NCOA2: variants seen among roughly 807,000 people sequenced by gnomAD.
NCOA2 encodes class E basic helix-loop-helix protein 75.
Under a neutral mutation model 145.1 loss-of-function variants are expected in NCOA2, and 21 were observed. The ratio of observed to expected loss-of-function variants is 0.14; its 90% CI spans 0.10 to 0.21. NCOA2 has a LOEUF of 0.21. Ranked by LOEUF, NCOA2 falls within the 10% of genes least tolerant of loss-of-function variation. The probability of loss-of-function intolerance (pLI) is 1.00; values close to 1 mark genes in which losing one functional copy is unlikely to be tolerated. For synonymous variants in NCOA2, 619 were observed against 637.5 expected, an observed-to-expected ratio of 0.97 and a Z score of 0.44; for missense variants, 1,472 against 1,837.6, an observed-to-expected ratio of 0.80 and a Z score of 3.64.
chr8:70,228,777 A>G (rs1820885710), intron 2 of NCOA2, among the ~76,000 whole-genome samples: 1 of 152,230 alleles, frequency 6.6e-6, no homozygotes, highest in African/African-American at 2.4e-5. Flanking sequence ...AGAAATTGAG[A>G]TAATTGCTTG....
chr8:70,244,468 T>A (rs16936846), intron 2 of NCOA2, among the ~76,000 whole-genome samples: 2,115 of 152,124 alleles, frequency 0.014, 42 homozygotes, highest in African/African-American at 0.047. Flanking sequence ...ATAAGATCAA[T>A]CTGAGAAAGT....
the NCOA2 span, among the ~76,000 whole-genome samples, chr8:70,439,487 C>T: frequency 2.0e-5 from 3 of 152,260 alleles, no homozygotes; most frequent in East Asian, 5.8e-4. Flanking sequence ...GGAAACAGCA[C>T]AAATGAAGAT....
At chr8:70,382,072 G>A (rs547945989) in intron 1 of NCOA2, among the ~76,000 whole-genome samples, 1 of 152,166 alleles carries the variant, frequency 6.6e-6, no homozygotes, top group South Asian at 2.1e-4. Context: ...TGCTGCCACT[G>A]AAGGAGTTTA....
chr8:70,232,507 A>T (rs1821225783), intron 2 of NCOA2, among the ~76,000 whole-genome samples: 1 of 151,968 alleles, frequency 6.6e-6, no homozygotes, highest in Non-Finnish European at 1.5e-5. Context: ...GTTCAATTTG[A>T]TTTTCCTCAA....
chr8:70,453,484 C>T, the NCOA2 span, among the ~76,000 whole-genome samples: 1 of 152,208 alleles, frequency 6.6e-6, no homozygotes, highest in Non-Finnish European at 1.5e-5. Flanking sequence ...AAGATGAACT[C>T]ACACTCCTGT....
At chr8:70,214,496 A>G (rs1819383354) in intron 3 of NCOA2, among the ~76,000 whole-genome samples, 1 of 152,250 alleles carries the variant, frequency 6.6e-6, no homozygotes, top group Non-Finnish European at 1.5e-5. Context: ...AATAACAGGA[A>G]TAAATTTCAA....
At chr8:70,391,165 T>G (rs772199672) in intron 1 of NCOA2, among the ~76,000 whole-genome samples, 78 of 152,288 alleles carry the variant, frequency 5.1e-4, no homozygotes, top group Non-Finnish European at 9.7e-4. Context: ...AATTCAAAGT[T>G]ATGAAGTAGT....
intron 1 of NCOA2, among the ~76,000 whole-genome samples, chr8:70,400,506 T>A (rs940690230): frequency 6.6e-6 from 1 of 152,150 alleles, no homozygotes; most frequent in African/African-American, 2.4e-5. Context: ...CTCTTCAGCA[T>A]ACAAAAGAGA....
chr8:70,403,338 C>G (rs1455814884), intron 1 of NCOA2, among the ~76,000 whole-genome samples: 3 of 151,286 alleles, frequency 2.0e-5, no homozygotes, highest in Non-Finnish European at 3.0e-5. Context: ...GCTCACCTCT[C>G]GCCCGCGCCG....
Position 70,264,055 on chromosome 8 carries a change from A to C in NCOA2, c.-20+32689T>G, listed in dbSNP as rs148646796. On this transcript the variant is annotated intron_variant, in intron 2 of 22. Coordinates refer to ENST00000452400, the MANE Select transcript of NCOA2 (RefSeq NM_006540.4). ...TGGAGAAATCTCTTCTCTACTAAAA[A>C]TACAAAATTAGCCAGACGTGGTGGC... Among the ~76,000 whole-genome samples, 487 of 152,034 alleles carry C rather than the reference A, an allele frequency of 3.2e-3. 1 individual carries two copies. The highest frequency in any genetic ancestry group is 0.011 in the African/African-American group (459 of 41,456).
chr8:70,169,819 C>T (rs1814027250), intron 6 of NCOA2, among the ~76,000 whole-genome samples: 1 of 152,004 alleles, frequency 6.6e-6, no homozygotes, highest in African/African-American at 2.4e-5. Context: ...TAAGTACTTT[C>T]CATCTGAATC....
chr8:70,211,470 A>G (rs897068410), intron 4 of NCOA2, among the ~76,000 whole-genome samples: 5 of 152,102 alleles, frequency 3.3e-5, no homozygotes, highest in African/African-American at 9.7e-5. Flanking sequence ...AAAAAGAAAA[A>G]AAAAGAAAAA....
intron 1 of NCOA2, among the ~76,000 whole-genome samples, chr8:70,327,579 T>C (rs1268931189): frequency 1.3e-5 from 2 of 152,072 alleles, no homozygotes; most frequent in East Asian, 3.9e-4. Context: ...TTAATGTAGT[T>C]AAAAGTCAAC....
At chr8:70,283,987 G>C (rs1462410405) in intron 2 of NCOA2, among the ~76,000 whole-genome samples, 1 of 152,106 alleles carries the variant, frequency 6.6e-6, no homozygotes, top group Non-Finnish European at 1.5e-5. Flanking sequence ...CAATAACAAT[G>C]TTTAGAAGTA....
intron 1 of NCOA2, among the ~76,000 whole-genome samples, chr8:70,384,450 C>T (rs911668796): frequency 1.3e-5 from 2 of 152,002 alleles, no homozygotes; most frequent in African/African-American, 4.8e-5. Context: ...ATTAAATTAA[C>T]CAAATGGTTC....
intron 2 of NCOA2, among the ~76,000 whole-genome samples, chr8:70,235,836 C>G (rs1821554275): frequency 6.6e-6 from 1 of 152,126 alleles, no homozygotes; most frequent in Non-Finnish European, 1.5e-5. Context: ...AGAGTGAGAC[C>G]TTGTCTCAAA....
chr8:70,299,600 G>A (rs1827340022), intron 1 of NCOA2, among the ~76,000 whole-genome samples: 1 of 152,124 alleles, frequency 6.6e-6, no homozygotes, highest in Non-Finnish European at 1.5e-5. Context: ...TTAGTTATTA[G>A]GAAAATGGAA....
chr8:70,205,329 A>C (rs1455011929), intron 4 of NCOA2, among the ~76,000 whole-genome samples: 4 of 152,202 alleles, frequency 2.6e-5, no homozygotes, highest in Non-Finnish European at 5.9e-5. Context: ...AATCACACCA[A>C]AGTGAAAAAG....
At chr8:70,185,862 T>C (rs1816011740) in intron 4 of NCOA2, among the ~76,000 whole-genome samples, 1 of 152,208 alleles carries the variant, frequency 6.6e-6, no homozygotes, top group Non-Finnish European at 1.5e-5. Context: ...TTTTGGCAAT[T>C]TGAGCAGTTA....
Sources: allele counts gnomAD v4.1 joint callset (sites outside exome capture counted in the v4.1 genomes callset), GRCh38; gene constraint gnomAD v4.1.1; transcripts MANE v1.5; gene names NCBI Gene and HGNC (gene_info 2026-07-23, HGNC 2026-07-21).